Variants in CD6 observed in about 807,000 individuals in gnomAD.
CD6 encodes the protein CD6 molecule.
CD6 carries 53 observed loss-of-function variants against 75.3 expected under a neutral mutation model. That is an observed-to-expected ratio of 0.70 (90% confidence interval 0.56 to 0.88). CD6 has a LOEUF of 0.88. Ranked by LOEUF, CD6 falls within the 40% of genes least tolerant of loss-of-function variation. CD6 has a pLI of 0.00. For missense variants in CD6, 770 were observed against 897.1 expected (o/e 0.86, Z 1.81); for synonymous variants, 359 against 381.5 (o/e 0.94, Z 0.69).
chr11:60,992,500 C>G (rs892394520), intron 1 of CD6, among the ~76,000 whole-genome samples: 1 of 151,856 alleles, frequency 6.6e-6, no homozygotes, highest in Non-Finnish European at 1.5e-5. Flanking sequence ...ATGGTTTTTT[C>G]CCAACCAAGA....
At chr11:60,972,213 AG>A (rs1857211126) in intron 1 of CD6, among the ~76,000 whole-genome samples, 2 of 152,166 alleles carry the variant, frequency 1.3e-5, no homozygotes, top group Non-Finnish European at 2.9e-5. Context: ...CCTTAAGCTC[AG>A]GAACTCCCCC....
intron 1 of CD6, among the ~76,000 whole-genome samples, chr11:60,986,652 G>A: frequency 6.6e-6 from 1 of 152,198 alleles, no homozygotes; most frequent in East Asian, 1.9e-4. Context: ...GGAAGTGAAA[G>A]AGGGACACAT....
chr11:61,008,302 C>T, intron 3 of CD6: 1 of 543,518 alleles, frequency 1.8e-6, no homozygotes, highest in East Asian at 2.9e-5. Flanking sequence ...CTCCCAGGCT[C>T]CCAAACCTGC....
intron 1 of CD6, among the ~76,000 whole-genome samples, chr11:61,003,455 G>T (rs1368652434): frequency 6.6e-6 from 1 of 152,182 alleles, no homozygotes; most frequent in African/African-American, 2.4e-5. Flanking sequence ...ACAATGGGCC[G>T]GGTGTGGTGG....
intron 6 of CD6, 58 bp downstream of exon 6, chr11:61,011,193 G>GTGTGTGTGTC (rs1470643828): frequency 1.5e-6 from 2 of 1,326,030 alleles, no homozygotes; most frequent in African/African-American, 2.9e-5. Flanking sequence ...GTGTGTGTGT[G>GTGTGTGTGTC]TGTGTGTGTG....
intron 1 of CD6, among the ~76,000 whole-genome samples, chr11:61,001,845 G>A (rs1270010991): frequency 6.6e-6 from 1 of 152,226 alleles, no homozygotes; most frequent in South Asian, 2.1e-4. Flanking sequence ...GATGGCAACA[G>A]CAGAGGATTC....
In CD6 at chr11:61,015,747, C is replaced by T. The variant is rs771604553; in HGVS notation, c.1422C>T (p.Pro474=). ...FMLPIQVQAP[P]PEDSDSGSDS... ...TGCCCATCCAGGTCCAGGCCCCGCC[C>T]CCTGAGGACTCAGACTCTGGCTCGG... The change falls in exon 9 of 13, where the codon CCC becomes CCT. Residue 474 remains proline, a synonymous_variant. Transcript: ENST00000313421. 1.9e-6 allele frequency: 3 copies of T among 1,614,180 alleles called. No homozygotes were observed. The Admixed American group carries it at 5.0e-5, about 27-fold the overall frequency.
chr11:61,017,221 G>A, intron 9 of CD6: 1 of 518,490 alleles, frequency 1.9e-6, no homozygotes, highest in Non-Finnish European at 3.5e-6. Flanking sequence ...TAAGTAGCAG[G>A]AGGGACAGCT....
In CD6 at chr11:61,019,640, C is replaced by G. The variant is rs1364025179; in HGVS notation, c.*322C>G. The G allele has an allele frequency of 2.0e-5, 6 of 307,650 alleles. No homozygotes were observed. Among genetic ancestry groups the G allele is most frequent in the African/African-American group, 1.1e-4 (5 of 46,872 alleles). 19.1% of individuals were successfully genotyped at this position (307,650 alleles called of 1,614,324 possible). On this transcript the variant is annotated 3_prime_UTR_variant, in exon 13 of 13. Coordinates refer to ENST00000313421, the MANE Select transcript of CD6 (RefSeq NM_006725.5). ...CAGCTGGTGGAGGGGAGTTGGGGAG[C>G]TGGACTGGATGACTCTGGAGGCCCC...
intron 1 of CD6, among the ~76,000 whole-genome samples, chr11:60,989,814 A>G (rs1379614274): frequency 6.6e-6 from 1 of 151,930 alleles, no homozygotes; most frequent in Non-Finnish European, 1.5e-5. Flanking sequence ...TGAATCCTAC[A>G]TTTCCCCGCC....
Position 61,019,332 on chromosome 11 carries a change from G to A in CD6, c.*14G>A, listed in dbSNP as rs759687482. 2.0e-5 allele frequency: 32 copies of A among 1,601,888 alleles called. No individual in the cohort carries two copies. Among genetic ancestry groups the A allele is most frequent in the East Asian group, 1.8e-4 (8 of 44,840 alleles). On this transcript the variant is annotated 3_prime_UTR_variant, in exon 13 of 13. Coordinates refer to ENST00000313421, the MANE Select transcript of CD6 (RefSeq NM_006725.5). ...AGCGCAGCCTAGGCCGGGGCCAGCC[G>A]AGGCTCCTGGGGTGGCTCTGACCCT...
chr11:60,984,137 T>C (rs371190130), intron 1 of CD6, among the ~76,000 whole-genome samples: 2 of 152,230 alleles, frequency 1.3e-5, no homozygotes, highest in African/African-American at 4.8e-5. Flanking sequence ...AATTAACATG[T>C]ATCTTGTGGG....
chr11:61,018,041 T>G, intron 11 of CD6, 28 bp downstream of exon 11: 2 of 1,604,024 alleles, frequency 1.2e-6, no homozygotes, highest in Non-Finnish European at 1.7e-6. Flanking sequence ...CAAACCCCCA[T>G]CCCATAGCCA....
At chr11:61,013,107 G>A (rs904479020) in intron 6 of CD6, among the ~76,000 whole-genome samples, 8 of 152,180 alleles carry the variant, frequency 5.3e-5, no homozygotes, top group South Asian at 2.1e-4. Context: ...GGCACACAGC[G>A]GGTACTCAAT....
intron 1 of CD6, among the ~76,000 whole-genome samples, chr11:60,981,749 T>G (rs933757372): frequency 6.6e-6 from 1 of 152,134 alleles, no homozygotes; most frequent in Non-Finnish European, 1.5e-5. Flanking sequence ...TTTTGTAGGC[T>G]CCTGCAGCCC....
chr11:61,018,480 C>CAAGGGGAAAAGGAGAATGG, intron 12 of CD6, 87 bp downstream of exon 12: 1 of 887,094 alleles, frequency 1.1e-6, no homozygotes, highest in African/African-American at 1.8e-5. Context: ...TGCATTCGCT[C>CAAGGGGAAAAGGAGAATGG]AAGGGGAAAA....
At chr11:60,972,803 G>A (rs866442980) in intron 1 of CD6, among the ~76,000 whole-genome samples, 3 of 152,128 alleles carry the variant, frequency 2.0e-5, no homozygotes, top group Non-Finnish European at 4.4e-5. Flanking sequence ...AGGGGGCATC[G>A]AGCTGGTTTG....
At chr11:61,008,929 G>A in intron 4 of CD6, 84 bp downstream of exon 4, 1 of 1,212,714 alleles carries the variant, frequency 8.2e-7, no homozygotes, top group Admixed American at 2.9e-5. Context: ...GTTAGTGCCG[G>A]AGAGGTGGTC....
At chr11:61,005,961 G>A (rs1300784198) in intron 1 of CD6, among the ~76,000 whole-genome samples, 2 of 151,704 alleles carry the variant, frequency 1.3e-5, no homozygotes, top group African/African-American at 4.8e-5. Flanking sequence ...AAGAAAGAAA[G>A]TAAATGGAAC....
Sources: gnomAD v4.1 joint callset for allele counts (sites outside exome capture counted in the v4.1 genomes callset) on GRCh38, gnomAD v4.1.1 for gene constraint, MANE v1.5 for transcripts, NCBI Gene and HGNC (gene_info 2026-07-23, HGNC 2026-07-21) for gene names.